The following L3MBTL1 variants were observed in gnomAD, a reference collection of about 807,000 sequenced individuals.
L3MBTL1 encodes L3MBTL histone methyl-lysine binding protein 1.
In L3MBTL1, 75 loss-of-function variants were observed where a neutral mutation model predicts 105.3. The ratio of observed to expected loss-of-function variants is 0.71; its 90% CI spans 0.59 to 0.86. The LOEUF is 0.86. Among genes scored for constraint, L3MBTL1 ranks in the 40% least tolerant of loss-of-function variants. The pLI is 0.00. For synonymous variants in L3MBTL1, 452 were observed against 436.2 expected (o/e 1.04, Z -0.45); for missense variants, 1,069 against 1,126.4 (o/e 0.95, Z 0.73).
In L3MBTL1 at chr20:43,513,603, G is replaced by T; in HGVS notation, c.100G>T (p.Gly34Cys). ...GGTGGCCGGAGACAGCCCCGGTTCT[G>T]GTCCTCACCTGCCCGCAACTGCCTT... is the stretch of plus-strand genomic sequence containing the variant. Reference protein sequence around the residue: ...HLVAGDSPGSGPHLPATAFII... With the variant: ...HLVAGDSPGSCPHLPATAFII... Residue 34 changes from glycine (G) to cysteine (C), a missense_variant, in exon 2 of 22, where the codon GGT becomes TGT. Gly to Cys is a radical substitution (Grantham distance 159, BLOSUM62 -3). Coordinates refer to ENST00000418998, the MANE Select transcript of L3MBTL1 (RefSeq NM_001377303.1). 1 of 1,550,568 alleles carries T rather than the reference G, an allele frequency of 6.4e-7. No individual in the cohort carries two copies. Among genetic ancestry groups the T allele is most frequent in the Non-Finnish European group, 8.7e-7 (1 of 1,146,978 alleles).
At chr20:43,535,099 C>T (rs562702450) in intron 16 of L3MBTL1, among the ~76,000 whole-genome samples, 157 bp downstream of exon 16, 10 of 152,266 alleles carry the variant, frequency 6.6e-5, no homozygotes, top group Middle Eastern at 3.4e-3. Flanking sequence ...GCCCCACCCC[C>T]GGACCATCTG....
intron 7 of L3MBTL1, among the ~76,000 whole-genome samples, chr20:43,518,893 G>A (rs943030117): frequency 6.8e-6 from 1 of 146,946 alleles, no homozygotes; most frequent in African/African-American, 2.5e-5. Flanking sequence ...AGGCATGGTG[G>A]CTCGCACCTG....
At chr20:43,513,335 C>T in intron 1 of L3MBTL1, 141 bp from the exon 2 acceptor site, 1 of 803,478 alleles carries the variant, frequency 1.2e-6, no homozygotes, top group South Asian at 1.8e-5. Context: ...CCCTACTCCC[C>T]ACAGGACTGA....
Position 43,513,582 on chromosome 20 carries a change from G to A in L3MBTL1, c.79G>A (p.Ala27Thr), listed in dbSNP as rs749397915. Residue 27 changes from alanine (A) to threonine (T), a missense_variant, in exon 2 of 22, where the codon GCC (alanine) becomes ACC (threonine). Physicochemically the swap from Ala to Thr is moderately conservative, Grantham distance 58. Transcript: ENST00000418998. ...STGEVSMHLV[A>T]GDSPGSGPHL... is the part of the protein sequence containing the mutation. ...AGGGGAGGTCAGCATGCACTTGGTG[G>A]CCGGAGACAGCCCCGGTTCTGGTCC... The A allele has an allele frequency of 8.4e-6, 13 of 1,550,632 alleles. No homozygotes were observed. The South Asian group carries it at 1.5e-4, about 18-fold the overall frequency.
rs116331605 is a variant in L3MBTL1, at chr20:43,511,212, C to T, written c.-28-2264C>T. On this transcript the variant is annotated intron_variant, in intron 1 of 21. Transcript: ENST00000418998. ...GGATTACAGGCACATGGCACCAAGCCGGCCCCATACACTGTTTTTTATTAA... is the reference window on the plus strand; with the variant it reads ...GGATTACAGGCACATGGCACCAAGCTGGCCCCATACACTGTTTTTTATTAA... Among the ~76,000 whole-genome samples, 297 of 152,312 alleles carry T rather than the reference C, an allele frequency of 1.9e-3. 1 individual carries two copies. The highest frequency in any genetic ancestry group is 6.6e-3 in the African/African-American group (274 of 41,582).
intron 16 of L3MBTL1, 82 bp from the exon 17 acceptor site, chr20:43,535,755 C>T (rs1376437441): frequency 1.2e-6 from 1 of 855,076 alleles, no homozygotes; most frequent in East Asian, 2.4e-5. Context: ...TGCTGATCTC[C>T]CCAGTGGAAA....
intron 3 of L3MBTL1, chr20:43,514,433 T>C: frequency 2.0e-6 from 3 of 1,476,334 alleles, no homozygotes; most frequent in Non-Finnish European, 2.7e-6. Flanking sequence ...ACCCTGGGAC[T>C]GGACCCCGCA....
At chr20:43,508,296 C>T (rs1464151002) in intron 1 of L3MBTL1, among the ~76,000 whole-genome samples, 2 of 152,010 alleles carry the variant, frequency 1.3e-5, no homozygotes, top group Non-Finnish European at 2.9e-5. Flanking sequence ...CAGTGACCGC[C>T]CCGCCCGCCT....
intron 19 of L3MBTL1, among the ~76,000 whole-genome samples, chr20:43,537,783 G>A (rs1393620738): frequency 1.3e-5 from 2 of 152,144 alleles, no homozygotes; most frequent in African/African-American, 2.4e-5. Context: ...GCACCTTGGC[G>A]AGACCCAAGC....
exon 19 of L3MBTL1, chr20:43,548,845 TA>T (rs1470863664): frequency 1.3e-5 from 2 of 152,276 alleles, no homozygotes; most frequent in African/African-American, 4.8e-5. Context: ...CATGTTTTCC[TA>T]AGATCCCTTG....
chr20:43,528,132 A>T (rs1307694977), intron 7 of L3MBTL1, among the ~76,000 whole-genome samples: 1 of 152,120 alleles, frequency 6.6e-6, no homozygotes, highest in Admixed American at 6.5e-5. Context: ...ACCTCAAGTG[A>T]TTCACCTGCC....
At chr20:43,509,922 G>A (rs1488245454) in intron 1 of L3MBTL1, among the ~76,000 whole-genome samples, 1 of 152,190 alleles carries the variant, frequency 6.6e-6, no homozygotes, top group African/African-American at 2.4e-5. Flanking sequence ...GGAGTGCAGT[G>A]GCGCGATCTT....
chr20:43,526,505 G>A (rs921980292), intron 7 of L3MBTL1, among the ~76,000 whole-genome samples: 13 of 152,302 alleles, frequency 8.5e-5, no homozygotes, highest in African/African-American at 2.9e-4. Flanking sequence ...AAGGATAGCC[G>A]GAAGAGATGA....
At position 43,515,176 on chromosome 20, in the gene L3MBTL1, G is replaced by A; in HGVS notation, c.653+17G>A. ...CCAGGAGCGGTAAGGGGAGGAGGTCGCAGCCCTACTTGCTCTACCTTCAGC... is the reference window on the plus strand; with the variant it reads ...CCAGGAGCGGTAAGGGGAGGAGGTCACAGCCCTACTTGCTCTACCTTCAGC... On this transcript the variant is annotated intron_variant, in intron 5 of 21. Coordinates refer to ENST00000418998, the MANE Select transcript of L3MBTL1 (RefSeq NM_001377303.1). 6.2e-7 allele frequency: 1 copy of A among 1,614,104 alleles called. No individual in the cohort carries two copies. The highest frequency in any genetic ancestry group is 8.5e-7 in the Non-Finnish European group (1 of 1,179,986).
chr20:43,542,719 T>C (rs2019964107), downstream of L3MBTL1, among the ~76,000 whole-genome samples: 1 of 152,084 alleles, frequency 6.6e-6, no homozygotes, highest in African/African-American at 2.4e-5. Context: ...AGACAACCAC[T>C]TTTCTAATTT....
At chr20:43,507,954 G>A (rs146178127) in intron 1 of L3MBTL1, among the ~76,000 whole-genome samples, 2,402 of 152,256 alleles carry the variant, frequency 0.016, 78 homozygotes, top group African/African-American at 0.055. Flanking sequence ...CCAGGCGGGT[G>A]CGGGACTCCA....
At chr20:43,527,452 T>C (rs535291178) in intron 7 of L3MBTL1, among the ~76,000 whole-genome samples, 124 of 152,272 alleles carry the variant, frequency 8.1e-4, no homozygotes, top group African/African-American at 2.8e-3. Context: ...CAGGTTAGAT[T>C]GAAGGTGCTG....
intron 1 of L3MBTL1, among the ~76,000 whole-genome samples, chr20:43,512,782 A>C (rs1292108610): frequency 6.6e-6 from 1 of 152,200 alleles, no homozygotes; most frequent in Non-Finnish European, 1.5e-5. Context: ...TTATGTCTTT[A>C]CCTGTTGAAT....
chr20:43,533,969 A>G (rs1342352957), intron 13 of L3MBTL1, 39 bp from the exon 14 acceptor site: 2 of 1,476,632 alleles, frequency 1.4e-6, no homozygotes, highest in Admixed American at 3.3e-5. Context: ...TCCGCAGTAC[A>G]CCTGGGTGGC....
Sources: allele counts gnomAD v4.1 joint callset (sites outside exome capture counted in the v4.1 genomes callset), GRCh38; gene constraint gnomAD v4.1.1; transcripts MANE v1.5; gene names NCBI Gene and HGNC (gene_info 2026-07-23, HGNC 2026-07-21).